The following DCLRE1C variants were observed in gnomAD, a reference collection of about 807,000 sequenced individuals.
DCLRE1C encodes DNA cross-link repair 1C.
Under a neutral mutation model 61.4 loss-of-function variants are expected in DCLRE1C, and 47 were observed. That is an observed-to-expected ratio of 0.77 (90% CI 0.61 to 0.98). DCLRE1C has a LOEUF of 0.98. Among genes scored for constraint, DCLRE1C ranks in the 50% least tolerant of loss-of-function variants. The probability of loss-of-function intolerance (pLI) is 0.00; values close to 1 mark genes in which losing one functional copy is unlikely to be tolerated. For synonymous variants in DCLRE1C, 337 were observed against 287.6 expected (o/e 1.17, Z -1.74); for missense variants, 858 against 816.0 (o/e 1.05, Z -0.63).
intron 13 of DCLRE1C, among the ~76,000 whole-genome samples, chr10:14,915,583 A>T (rs1489584990): frequency 6.9e-6 from 1 of 145,752 alleles, no homozygotes; most frequent in South Asian, 2.1e-4. Context: ...TTAACTCAAT[A>T]AAAAAAAAAA....
chr10:14,909,119 G>C lies in DCLRE1C; in HGVS notation c.1368C>G (p.Asn456Lys). 6.2e-7 allele frequency: 1 copy of C among 1,614,174 alleles called. No individual in the cohort carries two copies. The highest frequency in any genetic ancestry group is 8.5e-7 in the Non-Finnish European group (1 of 1,180,040). The part of the protein sequence containing the change: ...FTNFVDCEES[N>K]SESEEEVGIP... ...TTCCTACTTCTTCTTCACTTTCACTGTTGGATTCTTCACAATCTACAAAGT... is the reference window on the plus strand; with the variant it reads ...TTCCTACTTCTTCTTCACTTTCACTCTTGGATTCTTCACAATCTACAAAGT... The change falls in exon 14 of 14, where the codon AAC (asparagine) becomes AAG (lysine). Residue 456 changes from asparagine to lysine, a missense_variant. Asn to Lys is a moderately conservative substitution (Grantham distance 94). Coordinates refer to ENST00000378278, the MANE Select transcript of DCLRE1C (RefSeq NM_001033855.3).
At chr10:14,918,230 CA>C (rs1214659740) in intron 13 of DCLRE1C, among the ~76,000 whole-genome samples, 7 of 152,042 alleles carry the variant, frequency 4.6e-5, no homozygotes, top group African/African-American at 9.7e-5. Flanking sequence ...GGAAACAACC[CA>C]AAAATACATC....
At chr10:14,902,122 C>G (rs932895766), downstream of DCLRE1C, among the ~76,000 whole-genome samples, 18 of 152,102 alleles carry the variant, frequency 1.2e-4, no homozygotes, top group African/African-American at 3.4e-4. Context: ...TTTCAGAAAT[C>G]CTTTCTGACA....
downstream of DCLRE1C, chr10:14,904,330 T>A (rs1404558510): frequency 6.8e-6 from 1 of 147,968 alleles, no homozygotes; most frequent in Non-Finnish European, 1.5e-5. Flanking sequence ...TTTTTTTTTT[T>A]TTTTTTTTTT....
At chr10:14,916,026 A>G (rs928702777) in intron 13 of DCLRE1C, among the ~76,000 whole-genome samples, 15 of 152,224 alleles carry the variant, frequency 9.9e-5, no homozygotes, top group African/African-American at 3.6e-4. Context: ...AAATACAGAA[A>G]AAGCGTTAGA....
Position 14,934,762 on chromosome 10 carries a change from G to T in DCLRE1C, c.478C>A (p.Gln160Lys). 6.2e-7 allele frequency: 1 copy of T among 1,613,126 alleles called. No homozygotes were observed. Among genetic ancestry groups the T allele is most frequent in the South Asian group, 1.1e-5 (1 of 91,022 alleles). Residue 160 changes from glutamine (Q) to lysine (K), a missense_variant, in exon 7 of 14, where the codon CAA (glutamine) becomes AAA (lysine). Gln to Lys is a moderately conservative substitution (Grantham distance 53, BLOSUM62 1). Coordinates refer to ENST00000378278, the MANE Select transcript of DCLRE1C (RefSeq NM_001033855.3). ...LHSGGRVKDIQSVYLDTTFCD... is the reference protein window; with the variant it reads ...LHSGGRVKDIKSVYLDTTFCD... ...AACGTAGTATCCAAATATACACTTT[G>T]GATGTCTTTGACTCTGAAAAGAAAA...
intron 9 of DCLRE1C, among the ~76,000 whole-genome samples, chr10:14,932,404 G>A (rs146444862): frequency 5.3e-5 from 8 of 152,250 alleles, no homozygotes; most frequent in East Asian, 1.9e-4. Flanking sequence ...TTGGGAGGCC[G>A]AGGGAGGCGG....
At chr10:14,943,316 A>T (rs113530221) in intron 3 of DCLRE1C, among the ~76,000 whole-genome samples, 1,777 of 151,746 alleles carry the variant, frequency 0.012, 20 homozygotes, top group Non-Finnish European at 0.018. Flanking sequence ...TATTTTGTCA[A>T]TTGCACATAC....
At chr10:14,917,486 TA>T (rs113114583) in intron 13 of DCLRE1C, among the ~76,000 whole-genome samples, 66 of 141,016 alleles carry the variant, frequency 4.7e-4, no homozygotes, top group Admixed American at 5.0e-4. Flanking sequence ...CTGATATATT[TA>T]AAAAAAAAAA....
At chr10:14,916,653 A>T (rs1836247640) in intron 13 of DCLRE1C, among the ~76,000 whole-genome samples, 1 of 152,222 alleles carries the variant, frequency 6.6e-6, no homozygotes, top group Non-Finnish European at 1.5e-5. Context: ...GAAACTTAAA[A>T]AGTAATACCA....
At chr10:14,919,526 C>T (rs146988299) in intron 13 of DCLRE1C, among the ~76,000 whole-genome samples, 186 of 152,288 alleles carry the variant, frequency 1.2e-3, no homozygotes, top group African/African-American at 4.1e-3. Flanking sequence ...CCGTTTTCAC[C>T]ACTTGTTTTA....
At chr10:14,938,082 C>A (rs895774264) in intron 4 of DCLRE1C, among the ~76,000 whole-genome samples, 3 of 152,086 alleles carry the variant, frequency 2.0e-5, no homozygotes, top group Non-Finnish European at 2.9e-5. Flanking sequence ...ATGGAAGTCT[C>A]CATTCATTCT....
intron 3 of DCLRE1C, chr10:14,942,525 T>C (rs932125700): frequency 6.6e-6 from 1 of 152,204 alleles, no homozygotes; most frequent in Admixed American, 6.6e-5. Flanking sequence ...GCACACACTA[T>C]GTGTGCATAC....
intron 1 of DCLRE1C, among the ~76,000 whole-genome samples, chr10:14,949,584 T>C (rs1289949113): frequency 6.6e-6 from 1 of 152,226 alleles, no homozygotes; most frequent in African/African-American, 2.4e-5. Flanking sequence ...AGGGGAATAT[T>C]ACTATCCACA....
intron 9 of DCLRE1C, among the ~76,000 whole-genome samples, chr10:14,931,024 T>C (rs1277944573): frequency 1.3e-5 from 2 of 152,204 alleles, no homozygotes; most frequent in Non-Finnish European, 2.9e-5. Flanking sequence ...AATGGAACCA[T>C]TATTACTACA....
chr10:14,906,035 C>A lies in DCLRE1C; in HGVS notation c.*2373G>T, dbSNP rs981106192. On this transcript the variant is annotated 3_prime_UTR_variant, in exon 14 of 14. Transcript: ENST00000378278. ...TCCTCTTGTGGTTTATGATTCTTGA[C>A]GTAAAAACCAAGTAGCTGCTACAAT... Among the ~76,000 whole-genome samples the A allele has an allele frequency of 6.6e-6, 1 of 152,132 alleles. No homozygotes were observed. The highest frequency in any genetic ancestry group is 2.4e-5 in the African/African-American group (1 of 41,440).
chr10:14,914,862 C>T lies in DCLRE1C; in HGVS notation c.1156+4876G>A, dbSNP rs113919929. Among the ~76,000 whole-genome samples, 116 of 151,958 alleles carry T rather than the reference C, an allele frequency of 7.6e-4. 1 individual carries two copies. The highest frequency in any genetic ancestry group is 2.6e-3 in the African/African-American group (107 of 41,416). On this transcript the variant is annotated intron_variant, in intron 13 of 13. Coordinates refer to ENST00000378278, the MANE Select transcript of DCLRE1C (RefSeq NM_001033855.3). Reference sequence around the variant, plus strand: ...TGCTGACACAGGAGAATCACTTGAACCTGGGAGGCAGAGGTTGCAATGAGC... The same window carrying T: ...TGCTGACACAGGAGAATCACTTGAATCTGGGAGGCAGAGGTTGCAATGAGC...
intron 4 of DCLRE1C, among the ~76,000 whole-genome samples, chr10:14,936,830 C>T (rs1040046746): frequency 3.9e-5 from 6 of 152,114 alleles, no homozygotes; most frequent in South Asian, 2.1e-4. Flanking sequence ...AAGCGAAAAC[C>T]GATGGCCACA....
In DCLRE1C at chr10:14,908,586, T is replaced by A. The variant is rs1384741678; in HGVS notation, c.1901A>T (p.Lys634Ile). 1.9e-6 allele frequency: 3 copies of A among 1,614,066 alleles called. No individual in the cohort carries two copies. The African/African-American group carries it at 4.0e-5, about 22-fold the overall frequency. The change falls in exon 14 of 14, where the codon AAA becomes ATA. Residue 634 changes from lysine to isoleucine, a missense_variant. By Grantham distance (102) the Lys-to-Ile change is moderately radical (BLOSUM62 -3). Around this residue, in one of 2 missense-constraint regions of DCLRE1C, gnomAD observed 843 missense variants for 783.5 expected, o/e 1.08. Transcript: ENST00000378278. ...ATTTGTGCTAAGATTTAGCAAACTT[T>A]TTTCCTCGGGTATATGTGTCTCACT... ...LSSETHIPEEKSLLNLSTNAD... is the reference protein window; with the variant it reads ...LSSETHIPEEISLLNLSTNAD...
Sources: allele counts gnomAD v4.1 joint callset (sites outside exome capture counted in the v4.1 genomes callset), GRCh38; gene constraint gnomAD v4.1.1; regional missense constraint gnomAD v4.1.1; transcripts MANE v1.5; gene names NCBI Gene and HGNC (gene_info 2026-07-23, HGNC 2026-07-21).